Variants in AGPAT5 observed in about 807,000 individuals in gnomAD.
AGPAT5 encodes 1-acylglycerol-3-phosphate O-acyltransferase 5, also known as 1-acyl-sn-glycerol-3-phosphate acyltransferase epsilon.
A neutral mutation model predicts 45.6 loss-of-function variants in AGPAT5; 46 were observed. That is an observed-to-expected ratio of 1.01 (90% CI 0.80 to 1.29). The LOEUF (loss-of-function observed/expected upper bound fraction) is 1.29. Ranked by LOEUF, AGPAT5 falls within the 50% of genes most tolerant of loss-of-function variation. The probability of loss-of-function intolerance (pLI) is 0.00; values close to 1 mark genes in which losing one functional copy is unlikely to be tolerated. For missense variants in AGPAT5, 673 were observed against 450.7 expected (o/e 1.49, Z -4.47); for synonymous variants, 272 against 167.0 (o/e 1.63, Z -4.85).
At chr8:6,748,750 G>A (rs996783508) in intron 6 of AGPAT5, among the ~76,000 whole-genome samples, 3 of 152,062 alleles carry the variant, frequency 2.0e-5, no homozygotes, top group Non-Finnish European at 2.9e-5. Context: ...GGTGATCCAC[G>A]CACCTCGGCC....
chr8:6,737,464 T>G (rs1472445165), intron 4 of AGPAT5, among the ~76,000 whole-genome samples: 1 of 152,230 alleles, frequency 6.6e-6, no homozygotes, highest in Non-Finnish European at 1.5e-5. Context: ...AAAAAATATA[T>G]TTGTATTATA....
chr8:6,752,768 C>T (rs1209198127), intron 6 of AGPAT5, among the ~76,000 whole-genome samples: 6 of 152,162 alleles, frequency 3.9e-5, no homozygotes, highest in Admixed American at 3.9e-4. Context: ...ATGAACTATC[C>T]TTCAACTAAG....
chr8:6,731,499 A>ATT (rs952410052), intron 3 of AGPAT5, among the ~76,000 whole-genome samples: 1 of 151,804 alleles, frequency 6.6e-6, no homozygotes, highest in Non-Finnish European at 1.5e-5. Flanking sequence ...GTTATACTTT[A>ATT]TTTTTTATTT....
Position 6,761,107 on chromosome 8 carries a change from T to C in AGPAT5, c.*3719T>C, listed in dbSNP as rs1281317681. The stretch of plus-strand genomic sequence containing the variant: ...ATAATATGTATACTATAATAATAGC[T>C]GGTTATCCTGAGCAGGGGAAAAGGT... On this transcript the variant is annotated 3_prime_UTR_variant, in exon 8 of 8. Transcript: ENST00000285518. 6.6e-6 allele frequency among the ~76,000 whole-genome samples: 1 copy of C among 152,226 alleles called. No homozygotes were observed. The highest frequency in any genetic ancestry group is 1.5e-5 in the Non-Finnish European group (1 of 68,034).
chr8:6,720,462 G>C (rs550751602), intron 1 of AGPAT5, among the ~76,000 whole-genome samples: 1 of 152,282 alleles, frequency 6.6e-6, no homozygotes, highest in African/African-American at 2.4e-5. Flanking sequence ...TTTGGCAGAT[G>C]ACTTGGGAAC....
rs375509850 is a variant in AGPAT5 at position 6,723,319 on chromosome 8, G to A, written c.220-1551G>A. Among the ~76,000 whole-genome samples the A allele has an allele frequency of 7.4e-4, 112 of 152,210 alleles. 1 individual carries two copies. Among genetic ancestry groups the A allele is most frequent in the African/African-American group, 2.7e-3 (111 of 41,456 alleles). Reference sequence around the variant, plus strand: ...GTGTGTTCTGGATGCTCCTGAAGGAGTGTGGGCAGGTGCGCACCACCATGC... The same window carrying A: ...GTGTGTTCTGGATGCTCCTGAAGGAATGTGGGCAGGTGCGCACCACCATGC... On this transcript the variant is annotated intron_variant, in intron 1 of 7. Transcript: ENST00000285518.
At chr8:6,729,257 A>G (rs1189980342) in intron 2 of AGPAT5, among the ~76,000 whole-genome samples, 3 of 152,130 alleles carry the variant, frequency 2.0e-5, no homozygotes, top group Non-Finnish European at 4.4e-5. Flanking sequence ...GCTGAGAGCT[A>G]ATCATCTTGT....
At chr8:6,755,214 C>T (rs1180743261) in intron 7 of AGPAT5, 40 bp downstream of exon 7, 1 of 1,578,250 alleles carries the variant, frequency 6.3e-7, no homozygotes, top group East Asian at 2.3e-5. Flanking sequence ...AACTTCGGTT[C>T]AACTAGATTT....
chr8:6,728,193 T>C (rs1800750605), intron 2 of AGPAT5, among the ~76,000 whole-genome samples: 3 of 152,230 alleles, frequency 2.0e-5, no homozygotes, highest in South Asian at 4.1e-4. Flanking sequence ...ACTATGACTC[T>C]GCTTTGGCTT....
In AGPAT5 at chr8:6,759,802, C is replaced by T. The variant is rs908716994; in HGVS notation, c.*2414C>T. On this transcript the variant is annotated 3_prime_UTR_variant, in exon 8 of 8. Coordinates refer to ENST00000285518, the MANE Select transcript of AGPAT5 (RefSeq NM_018361.5). ...TTGAGCAAAGTTTTAAAAAAATACA[C>T]TAAAATAATCAAAACTGTTAAGCAG... is the stretch of plus-strand genomic sequence containing the variant. 1.3e-5 allele frequency: 2 copies of T among 152,240 alleles called. No individual in the cohort carries two copies. The highest frequency in any genetic ancestry group is 2.9e-5 in the Non-Finnish European group (2 of 68,022). The allele number at this position is 152,240 out of a possible 1,614,324, so 9.4% of individuals were successfully genotyped here.
intron 1 of AGPAT5, among the ~76,000 whole-genome samples, chr8:6,709,841 A>C (rs1800089719): frequency 6.6e-6 from 1 of 152,158 alleles, no homozygotes; most frequent in South Asian, 2.1e-4. Flanking sequence ...TTTGGGGGGA[A>C]GGAACTAGGA....
chr8:6,718,665 A>G (rs898288937), intron 1 of AGPAT5, among the ~76,000 whole-genome samples: 16 of 152,192 alleles, frequency 1.1e-4, no homozygotes, highest in Admixed American at 2.6e-4. Context: ...TACAAATTTC[A>G]CAAGACATTC....
chr8:6,713,986 A>G (rs2116851778), intron 1 of AGPAT5, among the ~76,000 whole-genome samples: 1 of 152,336 alleles, frequency 6.6e-6, no homozygotes, highest in East Asian at 1.9e-4. Context: ...TATATTCTGA[A>G]TCTTGCTGTA....
chr8:6,740,752 C>T (rs1426211966), intron 4 of AGPAT5, among the ~76,000 whole-genome samples: 2 of 151,960 alleles, frequency 1.3e-5, no homozygotes, highest in Admixed American at 6.6e-5. Flanking sequence ...GCTTCTGTAC[C>T]AGACGTACAG....
intron 1 of AGPAT5, 97 bp downstream of exon 1, chr8:6,708,984 G>A (rs946790542): frequency 8.1e-7 from 1 of 1,228,534 alleles, no homozygotes; most frequent in Non-Finnish European, 1.2e-6. Context: ...TCACCCGGCC[G>A]GCCCGGCGGA....
intron 6 of AGPAT5, among the ~76,000 whole-genome samples, chr8:6,749,571 T>C (rs1587062777): frequency 6.6e-6 from 1 of 152,320 alleles, no homozygotes; most frequent in East Asian, 1.9e-4. Context: ...CTTAATTTGT[T>C]GTGCGTTGTA....
At chr8:6,719,689 G>T (rs548959701) in intron 1 of AGPAT5, among the ~76,000 whole-genome samples, 1 of 152,260 alleles carries the variant, frequency 6.6e-6, no homozygotes, top group African/African-American at 2.4e-5. Context: ...AACAAGCTAA[G>T]AAAAACTGTT....
At chr8:6,721,297 T>C (rs1320371306) in intron 1 of AGPAT5, among the ~76,000 whole-genome samples, 1 of 152,242 alleles carries the variant, frequency 6.6e-6, no homozygotes, top group Non-Finnish European at 1.5e-5. Context: ...AAATTGTATA[T>C]GTAATCATAT....
chr8:6,757,325 G>A lies in AGPAT5; in HGVS notation c.1032G>A (p.Leu344=). ...TTATGACCGATGCTGGAAGGAAGCT[G>A]TATGTGAACACCTGGATATATGGAA... ...GMLMTDAGRK[L]YVNTWIYGTL... is the part of the protein sequence containing the mutation. The change falls in exon 8 of 8, where the codon CTG becomes CTA. Residue 344 remains leucine, a synonymous_variant. Transcript: ENST00000285518. 2 of 1,614,226 alleles carry A rather than the reference G, an allele frequency of 1.2e-6. No homozygotes were observed.
Sources: gnomAD v4.1 joint callset for allele counts (sites outside exome capture counted in the v4.1 genomes callset) on GRCh38, gnomAD v4.1.1 for gene constraint, MANE v1.5 for transcripts, NCBI Gene and HGNC (gene_info 2026-07-23, HGNC 2026-07-21) for gene names.